GTF3C1: variants seen among roughly 807,000 people sequenced by gnomAD.
The protein encoded by GTF3C1 is general transcription factor IIIC subunit 1.
In GTF3C1, 57 loss-of-function variants were observed where a neutral mutation model predicts 226.7. The ratio of observed to expected loss-of-function variants is 0.25; its 90% CI spans 0.20 to 0.31. The LOEUF (loss-of-function observed/expected upper bound fraction) is 0.31, where lower values mean the gene tolerates loss of function less well. GTF3C1 is among the 10% of genes least tolerant of loss of function. The pLI is 1.00. For synonymous variants in GTF3C1, 1,090 were observed against 1,084.8 expected, an observed-to-expected ratio of 1.00 and a Z score of -0.09; for missense variants, 2,217 against 2,776.1, an observed-to-expected ratio of 0.80 and a Z score of 4.53.
At chr16:27,516,888 C>T (rs2088667076) in intron 6 of GTF3C1, among the ~76,000 whole-genome samples, 1 of 152,200 alleles carries the variant, frequency 6.6e-6, no homozygotes, top group Admixed American at 6.5e-5. Context: ...TTACCCTGGC[C>T]TCCCAAAGTA....
intron 29 of GTF3C1, among the ~76,000 whole-genome samples, chr16:27,475,907 A>C (rs1054181195): frequency 1.3e-5 from 2 of 152,080 alleles, no homozygotes; most frequent in Non-Finnish European, 2.9e-5. Flanking sequence ...CTCCTGCTTC[A>C]TTTTCTGTCT....
In GTF3C1 at chr16:27,549,652, G is replaced by A; in HGVS notation, c.221+18C>T. 6.1e-6 allele frequency: 8 copies of A among 1,312,724 alleles called. No homozygotes were observed. The highest frequency in any genetic ancestry group is 1.5e-5 in the African/African-American group (1 of 68,094). 81.3% of individuals were successfully genotyped at this position (1,312,724 alleles called of 1,614,324 possible). On this transcript the variant is annotated intron_variant, in intron 1 of 36. Coordinates refer to ENST00000356183, the MANE Select transcript of GTF3C1 (RefSeq NM_001520.4). ...CTGCGCCCGCCCGCCCGCCCGCCAGGCCAGGCCGCCCGCTGACCGGTCCTG... is the reference window on the plus strand; with the variant it reads ...CTGCGCCCGCCCGCCCGCCCGCCAGACCAGGCCGCCCGCTGACCGGTCCTG...
chr16:27,470,021 A>T lies in GTF3C1; in HGVS notation c.4814+87T>A. The T allele has an allele frequency of 1.9e-6, 2 of 1,074,302 alleles. No homozygotes were observed. The highest frequency in any genetic ancestry group is 2.7e-6 in the Non-Finnish European group (2 of 728,210). The allele number at this position is 1,074,302 out of a possible 1,614,324, so 66.5% of individuals were successfully genotyped here. A position where few individuals can be genotyped will look rare whatever the true frequency, so the allele number is the denominator to read the frequency against. On this transcript the variant is annotated intron_variant, in intron 31 of 36. Coordinates refer to ENST00000356183, the MANE Select transcript of GTF3C1 (RefSeq NM_001520.4). The surrounding 1 kb of genome is among the most constrained non-coding windows in gnomAD (Gnocchi z 4.9). The stretch of plus-strand genomic sequence containing the variant: ...TGCAACTCCCATCCCACAAGCTCCC[A>T]GAAGGCACTGCTGACCCCTGCCCGT...
intron 6 of GTF3C1, among the ~76,000 whole-genome samples, chr16:27,525,647 G>A (rs926065011): frequency 2.0e-5 from 3 of 152,192 alleles, no homozygotes; most frequent in South Asian, 2.1e-4. Context: ...TGACAAATAC[G>A]CCTGCCTACC....
chr16:27,493,841 CAA>C lies in GTF3C1; in HGVS notation c.2779-547_2779-546del, dbSNP rs554049034. Among the ~76,000 whole-genome samples the C allele has an allele frequency of 2.0e-5, 3 of 152,098 alleles. No individual in the cohort carries two copies. The South Asian group carries it at 6.2e-4, about 32-fold the overall frequency. ...AGAATACTATGACTCTACTTAATAT[CAA>C]GTCTAAAAAGTTAATGATGCAAAAA... On this transcript the variant is annotated intron_variant, in intron 16 of 36. Transcript: ENST00000356183.
chr16:27,501,596 G>C (rs1050626637), intron 11 of GTF3C1, among the ~76,000 whole-genome samples: 7 of 152,208 alleles, frequency 4.6e-5, no homozygotes, highest in African/African-American at 1.7e-4. Flanking sequence ...CAACTCAAGA[G>C]ACTACGATTT....
At chr16:27,481,328 G>GGTCACCTGTCATCT (rs1310001997) in intron 26 of GTF3C1, 137 bp from the exon 27 acceptor site, 5 of 691,796 alleles carry the variant, frequency 7.2e-6, no homozygotes, top group Non-Finnish European at 1.3e-5. Flanking sequence ...TGCCTCCCCT[G>GGTCACCTGTCATCT]GTCACCTGTC....
rs147989108 is a variant in GTF3C1 at position 27,510,467 on chromosome 16, G to A, written c.1126+1282C>T. ...AGCTACTTGGGAGGCTGAGGCAGGAGAATCACTTGAACTTGGGAGGCGGAG... is the reference window on the plus strand; with the variant it reads ...AGCTACTTGGGAGGCTGAGGCAGGAAAATCACTTGAACTTGGGAGGCGGAG... On this transcript the variant is annotated intron_variant, in intron 7 of 36. Coordinates refer to ENST00000356183, the MANE Select transcript of GTF3C1 (RefSeq NM_001520.4). Among the ~76,000 whole-genome samples, 48 of 152,210 alleles carry A rather than the reference G, an allele frequency of 3.2e-4. 1 individual carries two copies. Among genetic ancestry groups the A allele is most frequent in the African/African-American group, 8.7e-4 (36 of 41,506 alleles).
chr16:27,510,200 A>T (rs551032349), intron 7 of GTF3C1, among the ~76,000 whole-genome samples: 58 of 152,188 alleles, frequency 3.8e-4, no homozygotes, highest in Non-Finnish European at 7.5e-4. Context: ...CCTGGCTAAC[A>T]CGGTGAAACC....
chr16:27,527,101 T>C (rs1241369307), intron 6 of GTF3C1, among the ~76,000 whole-genome samples: 1 of 152,196 alleles, frequency 6.6e-6, no homozygotes, highest in Non-Finnish European at 1.5e-5. Flanking sequence ...CAGCTACTCA[T>C]GAGGCTGAGG....
chr16:27,519,138 G>A (rs946448138), intron 6 of GTF3C1, among the ~76,000 whole-genome samples: 3 of 151,164 alleles, frequency 2.0e-5, no homozygotes, highest in Non-Finnish European at 3.0e-5. Flanking sequence ...GACAGTAAAG[G>A]ATACTAAGAA....
At chr16:27,464,287 G>A in intron 34 of GTF3C1, 33 bp downstream of exon 34, 2 of 1,380,496 alleles carry the variant, frequency 1.4e-6, no homozygotes, top group Non-Finnish European at 1.9e-6. Context: ...CCAGGGTGGG[G>A]TGAGGTGGGG....
At chr16:27,468,386 T>C (rs2087815339) in intron 32 of GTF3C1, among the ~76,000 whole-genome samples, 1 of 151,902 alleles carries the variant, frequency 6.6e-6, no homozygotes, top group African/African-American at 2.4e-5. Flanking sequence ...TGGGAGGCCA[T>C]GGCGGGAGAA....
chr16:27,464,234 C>A, intron 34 of GTF3C1, 86 bp downstream of exon 34: 1 of 797,562 alleles, frequency 1.3e-6, no homozygotes. Flanking sequence ...CCCCCATCCT[C>A]GGAGGAAGGT....
At chr16:27,525,021 G>A (rs984001627) in intron 6 of GTF3C1, among the ~76,000 whole-genome samples, 2 of 152,128 alleles carry the variant, frequency 1.3e-5, no homozygotes, top group African/African-American at 4.8e-5. Context: ...GGGTGTGGTG[G>A]CGCACGCCTG....
rs966543823 is a variant in GTF3C1 at position 27,462,075 on chromosome 16, C to G, written c.6117+219G>C. The G allele has an allele frequency of 3.5e-6, 2 of 572,634 alleles. No individual in the cohort carries two copies. The highest frequency in any genetic ancestry group is 2.2e-5 in the South Asian group (1 of 44,472). The allele number at this position is 572,634 out of a possible 1,614,324, so 35.5% of individuals were successfully genotyped here. Reference sequence around the variant, plus strand: ...ACAGAGAAAGCATCAGAGACAAGCACCCCGGGCACCCCATCTTCCAGCCTG... The same window carrying G: ...ACAGAGAAAGCATCAGAGACAAGCAGCCCGGGCACCCCATCTTCCAGCCTG... On this transcript the variant is annotated intron_variant, in intron 36 of 36. Transcript: ENST00000356183. This position sits in a 1 kb window ranked among gnomAD's most constrained non-coding sequence, Gnocchi z 4.5.
At chr16:27,478,678 T>C in intron 27 of GTF3C1, 147 bp from the exon 28 acceptor site, 1 of 693,500 alleles carries the variant, frequency 1.4e-6, no homozygotes, top group East Asian at 2.6e-5. Flanking sequence ...GCTGTGCATG[T>C]AAATTAAAAT....
At chr16:27,478,623 A>C in intron 27 of GTF3C1, 92 bp from the exon 28 acceptor site, 1 of 873,324 alleles carries the variant, frequency 1.1e-6, no homozygotes, top group Non-Finnish European at 2.0e-6. Context: ...TTATTGGCTA[A>C]AGTGTTGGGA....
At chr16:27,482,064 C>T (rs1167377370) in intron 26 of GTF3C1, among the ~76,000 whole-genome samples, 2 of 152,204 alleles carry the variant, frequency 1.3e-5, no homozygotes, top group Non-Finnish European at 2.9e-5. Flanking sequence ...AGCCACGTGG[C>T]CCAGGTCTGC....
Sources: gnomAD v4.1 joint callset for allele counts (sites outside exome capture counted in the v4.1 genomes callset) on GRCh38, gnomAD v4.1.1 for gene constraint, Gnocchi (gnomAD v3.1) non-coding constraint, MANE v1.5 for transcripts, NCBI Gene and HGNC (gene_info 2026-07-23, HGNC 2026-07-21) for gene names.